The following MYO1E variants were observed in gnomAD, a reference collection of about 807,000 sequenced individuals.
MYO1E encodes the protein unconventional myosin-Ie.
In MYO1E, 68 loss-of-function variants were observed where a neutral mutation model predicts 151.1. The ratio of observed to expected loss-of-function variants is 0.45; its 90% confidence interval spans 0.37 to 0.55. The LOEUF (loss-of-function observed/expected upper bound fraction) is 0.55, where lower values mean the gene tolerates loss of function less well. Among genes scored for constraint, MYO1E ranks in the 20% least tolerant of loss-of-function variants. The pLI is 0.00. For missense variants in MYO1E, 1,363 were observed against 1,389.3 expected (o/e 0.98, Z 0.30); for synonymous variants, 601 against 501.7 (o/e 1.20, Z -2.64).
In MYO1E at chr15:59,158,318, G is replaced by C. The variant is rs1463217595; in HGVS notation, c.2847C>G (p.Asn949Lys). Residue 949 changes from asparagine to lysine, a missense_variant, in exon 25 of 28, where the codon AAC becomes AAG. Asn to Lys is a moderately conservative substitution (Grantham distance 94, BLOSUM62 0). Coordinates refer to ENST00000288235, the MANE Select transcript of MYO1E (RefSeq NM_004998.4). ...GAGGAGGGGCAGCTCTCACTGGGTA[G>C]TTGGCATTTTGAGTCCCACTGGAAT... ...TGYSSGTQNANYPVRAAPPPP... is the reference protein window; with the variant it reads ...TGYSSGTQNAKYPVRAAPPPP... The C allele has an allele frequency of 1.3e-6, 2 of 1,578,028 alleles. No individual in the cohort carries two copies. Among genetic ancestry groups the C allele is most frequent in the African/African-American group, 1.3e-5 (1 of 74,420 alleles).
At chr15:59,261,371 A>T (rs2080223588) in intron 3 of MYO1E, 49 bp downstream of exon 3, 1 of 1,339,478 alleles carries the variant, frequency 7.5e-7, no homozygotes, top group East Asian at 2.3e-5. Context: ...CCATGTCTGC[A>T]TCATAAAAGC....
chr15:59,343,694 T>A (rs2080778123), intron 1 of MYO1E, among the ~76,000 whole-genome samples: 1 of 152,132 alleles, frequency 6.6e-6, no homozygotes, highest in South Asian at 2.1e-4. Context: ...TCATTCTTTT[T>A]TATTCTTTTT....
intron 14 of MYO1E, 148 bp from the exon 15 acceptor site, chr15:59,205,633 T>A (rs1467372640): frequency 1.3e-6 from 1 of 759,570 alleles, no homozygotes; most frequent in African/African-American, 1.7e-5. Flanking sequence ...GATTTCCAGA[T>A]GTTGCATTTG....
At position 59,372,697 on chromosome 15, in the gene MYO1E, C is replaced by T. The variant is rs1043498539; in HGVS notation, c.-197G>A. 34 of 640,144 alleles carry T rather than the reference C, an allele frequency of 5.3e-5. No individual in the cohort carries two copies. The Middle Eastern group carries it at 1.3e-3, about 24-fold the overall frequency. 39.7% of individuals were successfully genotyped at this position (640,144 alleles called of 1,614,324 possible). ...CGGGATTGGCGGTGCTAGGTGAGGG[C>T]GAGACGGCGGCGACTTAGCAGGCGG... On this transcript the variant is annotated 5_prime_UTR_variant, in exon 1 of 28. Coordinates refer to ENST00000288235, the MANE Select transcript of MYO1E (RefSeq NM_004998.4).
chr15:59,169,273 G>A (rs185761215), intron 22 of MYO1E, among the ~76,000 whole-genome samples: 2 of 152,328 alleles, frequency 1.3e-5, no homozygotes, highest in Admixed American at 6.5e-5. Context: ...ACATACAGAT[G>A]TTGCAGCTTT....
In MYO1E at chr15:59,205,443, C is replaced by T. The variant is rs755368617; in HGVS notation, c.1573G>A (p.Val525Met). 1 of 1,614,218 alleles carries T rather than the reference C, an allele frequency of 6.2e-7. No individual in the cohort carries two copies. Among genetic ancestry groups the T allele is most frequent in the Non-Finnish European group, 8.5e-7 (1 of 1,180,046 alleles). ...AGCTCGATGAGATCCATAAAAAGCA[C>T]ATCCCGGTTCCTTTCACAAAAGCCA... ...MDGFCERNRDVLFMDLIELMQ... is the reference protein window; with the variant it reads ...MDGFCERNRDMLFMDLIELMQ... Residue 525 changes from valine to methionine, a missense_variant, in exon 15 of 28, where the codon GTG becomes ATG. By Grantham distance (21) the Val-to-Met change is conservative. Coordinates refer to ENST00000288235, the MANE Select transcript of MYO1E (RefSeq NM_004998.4).
At chr15:59,154,511 T>G (rs2079499524) in intron 25 of MYO1E, among the ~76,000 whole-genome samples, 1 of 152,248 alleles carries the variant, frequency 6.6e-6, no homozygotes, top group South Asian at 2.1e-4. Context: ...GAAGAGGCCC[T>G]TATTCATTCT....
intron 22 of MYO1E, among the ~76,000 whole-genome samples, chr15:59,165,387 C>A (rs987059962): frequency 6.6e-6 from 1 of 152,146 alleles, no homozygotes; most frequent in Non-Finnish European, 1.5e-5. Context: ...AAGTCAGAAC[C>A]CTTTACAGTG....
intron 1 of MYO1E, among the ~76,000 whole-genome samples, chr15:59,293,373 C>G (rs1209211985): frequency 1.3e-5 from 2 of 151,868 alleles, no homozygotes; most frequent in Non-Finnish European, 1.5e-5. Context: ...TGGTGAAACC[C>G]CATCTCTACT....
chr15:59,327,046 C>G (rs2080669144), intron 1 of MYO1E, among the ~76,000 whole-genome samples: 1 of 152,166 alleles, frequency 6.6e-6, no homozygotes, highest in African/African-American at 2.4e-5. Context: ...CTAGGTGGGG[C>G]TTTTCGGGTG....
chr15:59,146,894 A>G (rs1289764144), intron 26 of MYO1E, among the ~76,000 whole-genome samples: 1 of 152,192 alleles, frequency 6.6e-6, no homozygotes, highest in African/African-American at 2.4e-5. Flanking sequence ...ACCAATTAAC[A>G]TAAATGCACG....
At chr15:59,214,799 T>C in intron 10 of MYO1E, 79 bp from the exon 11 acceptor site, 1 of 1,100,350 alleles carries the variant, frequency 9.1e-7, no homozygotes, top group East Asian at 2.4e-5. Context: ...AAAGGGAAGC[T>C]GGATTCTACA....
At chr15:59,147,497 C>T (rs1364683691) in intron 26 of MYO1E, among the ~76,000 whole-genome samples, 1 of 140,190 alleles carries the variant, frequency 7.1e-6, no homozygotes, top group African/African-American at 2.7e-5. Context: ...GAGGTTGAGG[C>T]ATGAGAATCG....
At chr15:59,176,686 G>C (rs2079627382) in intron 19 of MYO1E, among the ~76,000 whole-genome samples, 1 of 152,000 alleles carries the variant, frequency 6.6e-6, no homozygotes, top group East Asian at 1.9e-4. Flanking sequence ...TGAACTCCTG[G>C]CCTCAAGTCA....
rs967078322 is a variant in MYO1E at position 59,134,272 on chromosome 15, G to T, written c.*3108C>A. ...GCTGGGACCACACGTTGGGAGGTCA[G>T]TGGGTTGGCATCCTTCATGGTTGGG... is the stretch of plus-strand genomic sequence containing the variant. On this transcript the variant is annotated 3_prime_UTR_variant, in exon 28 of 28. Transcript: ENST00000288235. 18 of 152,370 alleles carry T rather than the reference G, an allele frequency of 1.2e-4. No individual in the cohort carries two copies. Among genetic ancestry groups the T allele is most frequent in the African/African-American group, 4.3e-4 (18 of 41,468 alleles). The allele number at this position is 152,370 out of a possible 1,614,324, so 9.4% of individuals were successfully genotyped here.
rs191290072 is a variant in MYO1E at position 59,338,985 on chromosome 15, A to G, written c.3+33513T>C. ...CATCTCTATTAAAAATACAAAAATT[A>G]GCCAGGCGTGGTGGCACATGCCTGT... is the stretch of plus-strand genomic sequence containing the variant. On this transcript the variant is annotated intron_variant, in intron 1 of 27. Coordinates refer to ENST00000288235, the MANE Select transcript of MYO1E (RefSeq NM_004998.4). Among the ~76,000 whole-genome samples, 317 of 152,314 alleles carry G rather than the reference A, an allele frequency of 2.1e-3. 1 individual carries two copies. Among genetic ancestry groups the G allele is most frequent in the African/African-American group, 7.4e-3 (307 of 41,564 alleles).
intron 1 of MYO1E, among the ~76,000 whole-genome samples, chr15:59,347,399 G>T (rs1390745627): frequency 2.6e-5 from 4 of 152,136 alleles, no homozygotes; most frequent in Admixed American, 2.0e-4. Context: ...TGCCAAAAAG[G>T]TTGGGGACTG....
At position 59,296,295 on chromosome 15, in the gene MYO1E, T is replaced by A. The variant is rs576361631; in HGVS notation, c.4-23846A>T. On this transcript the variant is annotated intron_variant, in intron 1 of 27. Transcript: ENST00000288235. The stretch of plus-strand genomic sequence containing the variant: ...TTTTCTATGCTGGGCATCATAAGGA[T>A]ATTCAGAACCAAACACAGCGTTCAC... 8.5e-5 allele frequency among the ~76,000 whole-genome samples: 13 copies of A among 152,370 alleles called. 1 individual carries two copies. In the South Asian group the frequency reaches 2.1e-3, roughly 24 times the overall value.
chr15:59,209,309 G>A (rs1398183131), intron 13 of MYO1E, among the ~76,000 whole-genome samples: 2 of 152,044 alleles, frequency 1.3e-5, no homozygotes, highest in South Asian at 2.1e-4. Flanking sequence ...CATTCCTCAT[G>A]TTTTACACAT....
Sources: allele counts gnomAD v4.1 joint callset (sites outside exome capture counted in the v4.1 genomes callset), GRCh38; gene constraint gnomAD v4.1.1; transcripts MANE v1.5; gene names NCBI Gene and HGNC (gene_info 2026-07-23, HGNC 2026-07-21).